Variants in CASP5 observed in about 807,000 individuals in gnomAD.
CASP5 encodes caspase-5.
A neutral mutation model predicts 45.2 loss-of-function variants in CASP5; 42 were observed. That is an observed-to-expected ratio of 0.93 (90% CI 0.73 to 1.20). The LOEUF (loss-of-function observed/expected upper bound fraction) is 1.20. Ranked by LOEUF, CASP5 falls within the 50% of genes most tolerant of loss-of-function variation. The pLI is 0.00. For missense variants in CASP5, 512 were observed against 532.2 expected (o/e 0.96, Z 0.37); for synonymous variants, 209 against 186.2 (o/e 1.12, Z -1.00).
chr11:105,018,600 G>A (rs1473376809), intron 1 of CASP5, among the ~76,000 whole-genome samples: 4 of 143,162 alleles, frequency 2.8e-5, no homozygotes, highest in East Asian at 4.0e-4. Flanking sequence ...AACAAGAAGA[G>A]CTAACTATCC....
In CASP5 at chr11:104,996,645, A is replaced by G. The variant is rs567632097; in HGVS notation, c.1206+738T>C. On this transcript the variant is annotated intron_variant, in intron 8 of 9. Coordinates refer to ENST00000260315, the MANE Select transcript of CASP5 (RefSeq NM_004347.5). ...CTATTTATTCAATATATATTAATTG[A>G]ATGTCTGCTATATGTCAGGCATATT... Among the ~76,000 whole-genome samples, 5 of 152,326 alleles carry G rather than the reference A, an allele frequency of 3.3e-5. No individual in the cohort carries two copies. The South Asian group carries it at 8.3e-4, about 25-fold the overall frequency.
chr11:105,002,927 G>A (rs1216831574), intron 4 of CASP5, among the ~76,000 whole-genome samples: 2 of 152,124 alleles, frequency 1.3e-5, no homozygotes, highest in Non-Finnish European at 2.9e-5. Context: ...GGCTGGCACT[G>A]TGGTTCCCGC....
chr11:105,011,312 A>G (rs1862334942), intron 1 of CASP5, among the ~76,000 whole-genome samples: 1 of 151,830 alleles, frequency 6.6e-6, no homozygotes, highest in Admixed American at 6.6e-5. Context: ...GGTTTACAAC[A>G]CAATAAATGC....
At chr11:105,020,384 A>G (rs1044721223) in intron 1 of CASP5, among the ~76,000 whole-genome samples, 11 of 151,590 alleles carry the variant, frequency 7.3e-5, no homozygotes, top group Non-Finnish European at 1.5e-4. Flanking sequence ...TTTGCAGACG[A>G]CATGATTGTA....
At chr11:105,016,578 C>T (rs1212189677) in intron 1 of CASP5, among the ~76,000 whole-genome samples, 1 of 152,124 alleles carries the variant, frequency 6.6e-6, no homozygotes, top group Non-Finnish European at 1.5e-5. Flanking sequence ...GTCACTTCCA[C>T]CCGAATACTG....
At position 105,007,088 on chromosome 11, in the gene CASP5, A is replaced by C; in HGVS notation, c.428T>G (p.Val143Gly). The change falls in exon 3 of 10, where the codon GTA becomes GGA. Residue 143 changes from valine to glycine, a missense_variant. Val to Gly is a moderately radical substitution (Grantham distance 109). Transcript: ENST00000260315. ...LLNMDQKITSVKPLLQIEAGP... is the reference protein window; with the variant it reads ...LLNMDQKITSGKPLLQIEAGP... Reference sequence around the variant, plus strand: ...CGTGTTAGATGCAACCTTACGTTTTACACTGGTGATCTTTTGGTCCATATT... The same window carrying C: ...CGTGTTAGATGCAACCTTACGTTTTCCACTGGTGATCTTTTGGTCCATATT... 6.2e-7 allele frequency: 1 copy of C among 1,611,166 alleles called. No individual in the cohort carries two copies. Among genetic ancestry groups the C allele is most frequent in the South Asian group, 1.1e-5 (1 of 90,270 alleles).
At chr11:105,003,484 A>G in intron 3 of CASP5, 101 bp from the exon 4 acceptor site, 1 of 662,860 alleles carries the variant, frequency 1.5e-6, no homozygotes, top group Non-Finnish European at 2.6e-6. Context: ...CCTAGGAAAA[A>G]GACTCTTTAT....
rs7935132 is a variant in CASP5 at position 105,008,973 on chromosome 11, A to G, written c.15T>C (p.Ser5=). 19,361 of 1,610,994 alleles carry G rather than the reference A, an allele frequency of 0.012. 1,466 individuals carry two copies. In the African/African-American group the frequency reaches 0.19, roughly 16 times the overall value. The change falls in exon 2 of 10, where the codon AGT becomes AGC. Residue 5 remains serine (S), a synonymous_variant. Coordinates refer to ENST00000260315, the MANE Select transcript of CASP5 (RefSeq NM_004347.5). ...AATTCTTACGCCTTTTTTTTTTGCC[A>G]CTGTCTTCTATCAGAAATATAAAGA... MAED[S]GKKKRRKNFE...
intron 7 of CASP5, among the ~76,000 whole-genome samples, chr11:104,997,770 A>G (rs1861532224): frequency 1.3e-5 from 2 of 152,190 alleles, no homozygotes; most frequent in South Asian, 4.1e-4. Context: ...CACTTTGCTT[A>G]GAAAAGGGGA....
In CASP5 at chr11:105,008,891, G is replaced by A; in HGVS notation, c.97C>T (p.His33Tyr). 6.2e-7 allele frequency: 1 copy of A among 1,612,986 alleles called. No individual in the cohort carries two copies. The highest frequency in any genetic ancestry group is 1.7e-5 in the Admixed American group (1 of 59,860). ...CCAGCCACGTTGTTCTTTAGCATGT[G>A]GTTTATCACGAAGTTATCCAATCCA... ...QSGLDNFVIN[H>Y]MLKNNVAGQT... The change falls in exon 2 of 10, where the codon CAC (histidine) becomes TAC (tyrosine). Residue 33 changes from histidine to tyrosine, a missense_variant. By Grantham distance (83) the His-to-Tyr change is moderately conservative. Transcript: ENST00000260315.
chr11:105,017,772 C>T (rs1041084643), intron 1 of CASP5, among the ~76,000 whole-genome samples: 2 of 152,076 alleles, frequency 1.3e-5, no homozygotes, highest in Non-Finnish European at 2.9e-5. Flanking sequence ...TATAGCAAGG[C>T]AGGCCAACAT....
At chr11:105,011,901 G>C (rs1229133749) in intron 1 of CASP5, among the ~76,000 whole-genome samples, 1 of 151,462 alleles carries the variant, frequency 6.6e-6, no homozygotes, top group Non-Finnish European at 1.5e-5. Context: ...TTCCTATTAA[G>C]CCTCCAATGG....
rs372804237 is a variant in CASP5 at position 104,995,787 on chromosome 11, C to G, written c.1262G>C (p.Arg421Pro). Residue 421 changes from arginine to proline, a missense_variant, in exon 9 of 10, where the codon CGA becomes CCA. Transcript: ENST00000260315. ...GTAGAAATCTCTTGTCAAGGTTGCT[C>G]GTTCTATGGTGGGCATCTGGGCTTT... ...QAKAQMPTIE[R>P]ATLTRDFYLF... The G allele has an allele frequency of 6.2e-7, 1 of 1,612,344 alleles. No individual in the cohort carries two copies. Among genetic ancestry groups the G allele is most frequent in the African/African-American group, 1.3e-5 (1 of 74,954 alleles).
chr11:105,002,316 T>A, intron 4 of CASP5, 115 bp from the exon 5 acceptor site: 1 of 759,438 alleles, frequency 1.3e-6, no homozygotes, highest in Non-Finnish European at 2.2e-6. Context: ...CCCTAACCTC[T>A]ATCAGAAGAC....
Position 105,007,315 on chromosome 11 carries a change from T to A in CASP5, c.201A>T (p.Lys67Asn). Residue 67 changes from lysine to asparagine, a missense_variant, in exon 3 of 10, where the codon AAA becomes AAT. Physicochemically the swap from Lys to Asn is moderately conservative, Grantham distance 94. Transcript: ENST00000260315. ...CCAGGTATTCCAACATCTTAACTGT[T>A]TTTTTTTTGTGGTTGTCTTCTGTCA... ...TSVKKDNHKK[K>N]TVKMLEYLGK... 6.3e-7 allele frequency: 1 copy of A among 1,592,732 alleles called. No individual in the cohort carries two copies. Among genetic ancestry groups the A allele is most frequent in the South Asian group, 1.1e-5 (1 of 87,308 alleles).
chr11:104,995,736 T>C lies in CASP5; in HGVS notation c.*4+4A>G. The C allele has an allele frequency of 4.4e-6, 7 of 1,590,124 alleles. No individual in the cohort carries two copies. Among genetic ancestry groups the C allele is most frequent in the Non-Finnish European group, 5.2e-6 (6 of 1,159,026 alleles). On this transcript the variant is annotated splice_donor_region_variant and intron_variant, in intron 9 of 9. Transcript: ENST00000260315. ...TTCACCCTCCAACAACTCTCAATAC[T>C]TACATTTTCAATTGCCAGGAAAGAG...
Position 105,013,531 on chromosome 11 carries a change from C to T in CASP5, c.8-4551G>A, listed in dbSNP as rs372900324. On this transcript the variant is annotated intron_variant, in intron 1 of 9. Coordinates refer to ENST00000260315, the MANE Select transcript of CASP5 (RefSeq NM_004347.5). ...CATAAGTACATAAAATATTTATTTG[C>T]CAATTAAATAAATAAAATAATATTT... is the stretch of plus-strand genomic sequence containing the variant. Among the ~76,000 whole-genome samples, 114 of 151,946 alleles carry T rather than the reference C, an allele frequency of 7.5e-4. 3 individuals are homozygous for T. In the South Asian group the frequency reaches 0.022, roughly 30 times the overall value.
chr11:105,020,763 C>G (rs537272764), intron 1 of CASP5, among the ~76,000 whole-genome samples: 2 of 152,254 alleles, frequency 1.3e-5, no homozygotes, highest in Admixed American at 1.3e-4. Context: ...AATGCCATCG[C>G]CATCAAGCTA....
Position 104,995,842 on chromosome 11 carries a change from C to A in CASP5, c.1207G>T (p.Val403Leu). ...TGTGGAACTTCAAATGATTTCTGTA[C>A]CTAAAAGAAAAAACAGTAGATGAGA... ...CCHLMEIFRK[V>L]QKSFEVPQAK... Residue 403 changes from valine to leucine, a missense_variant and splice_region_variant, in exon 9 of 10, where the codon GTA becomes TTA. Val to Leu is a conservative substitution (Grantham distance 32). Transcript: ENST00000260315. The A allele has an allele frequency of 6.2e-7, 1 of 1,601,232 alleles. No individual in the cohort carries two copies. The highest frequency in any genetic ancestry group is 8.5e-7 in the Non-Finnish European group (1 of 1,169,722).
Sources: gnomAD v4.1 joint callset for allele counts (sites outside exome capture counted in the v4.1 genomes callset) on GRCh38, gnomAD v4.1.1 for gene constraint, MANE v1.5 for transcripts, NCBI Gene and HGNC (gene_info 2026-07-23, HGNC 2026-07-21) for gene names.